PREX1: variants seen among roughly 807,000 people sequenced by gnomAD.
PREX1 encodes the protein phosphatidylinositol-3,4,5-trisphosphate dependent Rac exchange factor 1.
Under a neutral mutation model 198.3 loss-of-function variants are expected in PREX1, and 41 were observed. The ratio of observed to expected loss-of-function variants is 0.21; its 90% CI spans 0.16 to 0.27. The LOEUF is 0.27. PREX1 is among the 10% of genes least tolerant of loss of function. The pLI, the probability that PREX1 is intolerant of heterozygous loss-of-function variation, is 1.00. For missense variants in PREX1, 1,620 were observed against 2,200.7 expected (o/e 0.74, Z 5.28); for synonymous variants, 843 against 887.2 (o/e 0.95, Z 0.89).
chr20:48,632,675 G>A (rs373718565), intron 33 of PREX1, 36 bp from the exon 34 acceptor site: 12 of 1,610,804 alleles, frequency 7.4e-6, no homozygotes, highest in South Asian at 4.4e-5. Flanking sequence ...ACTCACCACC[G>A]AGGCCAAGGC....
chr20:48,690,906 G>A (rs369529060), intron 9 of PREX1, 41 bp downstream of exon 9: 1 of 1,611,710 alleles, frequency 6.2e-7, no homozygotes, highest in Non-Finnish European at 8.5e-7. Flanking sequence ...GCCACGCATA[G>A]CTCAGGGATC....
chr20:48,771,749 G>A (rs75357659), intron 1 of PREX1, among the ~76,000 whole-genome samples: 12 of 152,280 alleles, frequency 7.9e-5, no homozygotes, highest in Admixed American at 7.2e-4. Context: ...CCTTCATGCC[G>A]GACACGGTTC....
At chr20:48,872,345 A>G in the PREX1 span, among the ~76,000 whole-genome samples, 18,068 of 151,930 alleles carry the variant, frequency 0.12, 1,289 homozygotes, top group Non-Finnish European at 0.16. Flanking sequence ...ATTCCTTTCT[A>G]TATTTGCAGT....
At chr20:48,677,097 G>A (rs2089714740) in intron 13 of PREX1, among the ~76,000 whole-genome samples, 1 of 152,216 alleles carries the variant, frequency 6.6e-6, no homozygotes, top group African/African-American at 2.4e-5. Context: ...TCTAGTTGGA[G>A]GATTTCTCTC....
At chr20:48,692,824 C>T (rs367688105) in intron 7 of PREX1, 34 bp from the exon 8 acceptor site, 19 of 1,547,390 alleles carry the variant, frequency 1.2e-5, no homozygotes, top group Non-Finnish European at 1.5e-5. Flanking sequence ...GTCCCCTACA[C>T]GTCACCTCCC....
At chr20:48,652,841 C>G (rs1271037860) in intron 20 of PREX1, 135 bp from the exon 21 acceptor site, 1 of 1,075,860 alleles carries the variant, frequency 9.3e-7, no homozygotes, top group African/African-American at 1.6e-5. Flanking sequence ...CAGCCCTCAC[C>G]GTGCACAGTC....
chr20:48,630,816 G>A, intron 35 of PREX1, 22 bp from the exon 36 acceptor site: 2 of 1,533,956 alleles, frequency 1.3e-6, no homozygotes, highest in South Asian at 1.1e-5. Flanking sequence ...AGATGGGAAT[G>A]AGGCGGGGGC....
chr20:48,836,510 C>T, the PREX1 span, among the ~76,000 whole-genome samples: 2 of 152,136 alleles, frequency 1.3e-5, no homozygotes, highest in South Asian at 4.1e-4. Flanking sequence ...CATTTTCCCT[C>T]GTGAAATAGA....
intron 9 of PREX1, among the ~76,000 whole-genome samples, chr20:48,690,014 G>A (rs1261476837): frequency 6.6e-6 from 1 of 152,166 alleles, no homozygotes; most frequent in Non-Finnish European, 1.5e-5. Flanking sequence ...GACCAGGGGT[G>A]ATACGAAGAG....
the PREX1 span, among the ~76,000 whole-genome samples, chr20:48,858,952 G>A: frequency 2.0e-5 from 3 of 152,006 alleles, no homozygotes; most frequent in Non-Finnish European, 4.4e-5. Context: ...CTGGAGTGGG[G>A]TGGTGGAATC....
chr20:48,761,510 C>T (rs2090180059), intron 1 of PREX1, among the ~76,000 whole-genome samples: 1 of 151,956 alleles, frequency 6.6e-6, no homozygotes, highest in Non-Finnish European at 1.5e-5. Context: ...TAAAAGGTGC[C>T]CAGTTCTCAC....
At chr20:48,810,983 G>A (rs1253585326) in intron 1 of PREX1, among the ~76,000 whole-genome samples, 2 of 152,144 alleles carry the variant, frequency 1.3e-5, no homozygotes, top group Non-Finnish European at 2.9e-5. Flanking sequence ...ACATGTTATG[G>A]AGGGGTGGAG....
In PREX1 at chr20:48,632,518, C is replaced by G; in HGVS notation, c.4389G>C (p.Leu1463=). ...SRLEGGASLR[L]HTALFTKVLE... is the part of the protein sequence containing the mutation. ...CACCTTTCGTGAACAGCGCTGTGTG[C>G]AGCCTCAGGCTGGCCCCACCCTCCA... Residue 1463 remains leucine, a synonymous_variant, in exon 34 of 40, where the codon CTG becomes CTC. Coordinates refer to ENST00000371941, the MANE Select transcript of PREX1 (RefSeq NM_020820.4). The G allele has an allele frequency of 6.2e-7, 1 of 1,614,116 alleles. No individual in the cohort carries two copies. Among genetic ancestry groups the G allele is most frequent in the South Asian group, 1.1e-5 (1 of 91,088 alleles).
At chr20:48,743,614 G>A (rs554750721) in intron 3 of PREX1, among the ~76,000 whole-genome samples, 4 of 152,324 alleles carry the variant, frequency 2.6e-5, no homozygotes, top group East Asian at 1.9e-4. Context: ...GGAAGATAAC[G>A]TCGACATTTA....
rs371788277 is a variant in PREX1 at position 48,625,681 on chromosome 20, G to A, written c.*204C>T. On this transcript the variant is annotated 3_prime_UTR_variant, in exon 40 of 40. Transcript: ENST00000371941. ...CTGGCAGGCGTGTGAAGAATGGGCC[G>A]GCCCAGGGCCAATCAGCCAGCTCGT... The A allele has an allele frequency of 5.2e-4, 311 of 601,576 alleles. 4 individuals carry two copies. In the East Asian group the frequency reaches 7.7e-3, roughly 15 times the overall value. 37.3% of individuals were successfully genotyped at this position (601,576 alleles called of 1,614,324 possible).
the PREX1 span, among the ~76,000 whole-genome samples, chr20:48,847,364 T>TAAAAAA: frequency 2.7e-4 from 21 of 77,226 alleles, no homozygotes; most frequent in African/African-American, 8.9e-4. Flanking sequence ...CCTTCTCTTA[T>TAAAAAA]AAAAAAAAAA....
chr20:48,715,475 T>C (rs1269414112), intron 5 of PREX1, among the ~76,000 whole-genome samples: 1 of 152,084 alleles, frequency 6.6e-6, no homozygotes, highest in East Asian at 1.9e-4. Flanking sequence ...AGAGAATGGG[T>C]GCTGGGAAAA....
intron 5 of PREX1, among the ~76,000 whole-genome samples, chr20:48,721,875 G>C (rs1043783590): frequency 2.6e-5 from 4 of 152,158 alleles, no homozygotes; most frequent in African/African-American, 4.8e-5. Flanking sequence ...CGAGACATGG[G>C]GGTGGGGAAA....
At chr20:48,862,456 C>T in the PREX1 span, among the ~76,000 whole-genome samples, 1 of 152,032 alleles carries the variant, frequency 6.6e-6, no homozygotes, top group African/African-American at 2.4e-5. Context: ...GAGATAGGCA[C>T]TATTATAACC....
Sources: allele counts gnomAD v4.1 joint callset (sites outside exome capture counted in the v4.1 genomes callset), GRCh38; gene constraint gnomAD v4.1.1; transcripts MANE v1.5; gene names NCBI Gene and HGNC (gene_info 2026-07-23, HGNC 2026-07-21).